Variants in LSAMP observed in about 807,000 individuals in gnomAD.
LSAMP encodes the protein limbic system associated membrane protein, also known as limbic system-associated membrane protein.
Under a neutral mutation model 38.6 loss-of-function variants are expected in LSAMP, and 7 were observed. The ratio of observed to expected loss-of-function variants is 0.18; its 90% CI spans 0.10 to 0.34. LSAMP has a LOEUF of 0.34. Ranked by LOEUF, LSAMP falls within the 10% of genes least tolerant of loss-of-function variation. LSAMP has a pLI of 1.00. For missense variants in LSAMP, 313 were observed against 420.0 expected (o/e 0.75, Z 2.23); for synonymous variants, 154 against 166.8 (o/e 0.92, Z 0.59).
At chr3:115,991,285 A>G (rs1939659430) in intron 3 of LSAMP, among the ~76,000 whole-genome samples, 1 of 152,114 alleles carries the variant, frequency 6.6e-6, no homozygotes, top group Non-Finnish European at 1.5e-5. Context: ...GTGAACTGAA[A>G]TATCACCTAC....
At chr3:116,076,004 A>G (rs147559611) in intron 2 of LSAMP, among the ~76,000 whole-genome samples, 1 of 152,286 alleles carries the variant, frequency 6.6e-6, no homozygotes, top group East Asian at 1.9e-4. Flanking sequence ...TTAAATCTTT[A>G]AGAGATCTGG....
chr3:115,883,490 C>A (rs1398314333), intron 3 of LSAMP, among the ~76,000 whole-genome samples: 1 of 151,892 alleles, frequency 6.6e-6, no homozygotes, highest in Admixed American at 6.6e-5. Flanking sequence ...TTGATGGAAC[C>A]AGGGTTGGAA....
intron 1 of LSAMP, among the ~76,000 whole-genome samples, chr3:116,423,436 G>C (rs564538369): frequency 6.6e-6 from 1 of 152,298 alleles, no homozygotes; most frequent in African/African-American, 2.4e-5. Flanking sequence ...AAGGGTGGCA[G>C]AGAGGAGAAC....
chr3:116,022,854 A>G (rs1276376631), intron 2 of LSAMP, among the ~76,000 whole-genome samples: 1 of 152,152 alleles, frequency 6.6e-6, no homozygotes, highest in Non-Finnish European at 1.5e-5. Context: ...TGTTTGCCTC[A>G]CAGACACCCA....
At chr3:115,810,692 T>C (rs1933796903) in intron 6 of LSAMP, among the ~76,000 whole-genome samples, 1 of 152,216 alleles carries the variant, frequency 6.6e-6, no homozygotes, top group Admixed American at 6.5e-5. Context: ...CTAATGTGTC[T>C]GATGGTACAG....
At chr3:116,203,655 T>C (rs1332745036) in intron 1 of LSAMP, among the ~76,000 whole-genome samples, 2 of 149,882 alleles carry the variant, frequency 1.3e-5, no homozygotes, top group African/African-American at 4.9e-5. Flanking sequence ...CGGTGTTTGG[T>C]TTTTTTGTTC....
At chr3:116,352,845 C>T (rs1035449972) in intron 1 of LSAMP, among the ~76,000 whole-genome samples, 8 of 151,904 alleles carry the variant, frequency 5.3e-5, no homozygotes, top group African/African-American at 1.9e-4. Context: ...GGGTTATTTG[C>T]CTCAATGTGA....
At chr3:116,304,814 T>C (rs1035139466) in intron 1 of LSAMP, among the ~76,000 whole-genome samples, 1 of 151,874 alleles carries the variant, frequency 6.6e-6, no homozygotes, top group Non-Finnish European at 1.5e-5. Flanking sequence ...GATGCTGAAG[T>C]AGATTGAACA....
At chr3:116,112,773 C>CT (rs990706482) in intron 1 of LSAMP, among the ~76,000 whole-genome samples, 24 of 152,172 alleles carry the variant, frequency 1.6e-4, no homozygotes, top group African/African-American at 5.6e-4. Context: ...ACTACACTGT[C>CT]TCCCCAGGGA....
intron 1 of LSAMP, among the ~76,000 whole-genome samples, chr3:116,189,917 G>T (rs1383014944): frequency 6.6e-6 from 1 of 152,084 alleles, no homozygotes; most frequent in Non-Finnish European, 1.5e-5. Flanking sequence ...AAGCACGAGA[G>T]ATTCAAAAAC....
intron 6 of LSAMP, among the ~76,000 whole-genome samples, chr3:115,829,324 C>G (rs1934533338): frequency 6.6e-6 from 1 of 152,144 alleles, no homozygotes; most frequent in South Asian, 2.1e-4. Flanking sequence ...CCGCTTGAGT[C>G]TCTAACCACT....
intron 1 of LSAMP, among the ~76,000 whole-genome samples, chr3:116,358,740 C>A (rs2048260911): frequency 6.6e-6 from 1 of 151,832 alleles, no homozygotes; most frequent in Non-Finnish European, 1.5e-5. Flanking sequence ...CCATAAAGTA[C>A]AAAAATGTGA....
chr3:115,825,405 C>T (rs1329097605), intron 6 of LSAMP, among the ~76,000 whole-genome samples: 1 of 152,156 alleles, frequency 6.6e-6, no homozygotes, highest in East Asian at 1.9e-4. Context: ...ACATTATAGC[C>T]AGGTCCTTGT....
Position 116,216,823 on chromosome 3 carries a change from G to C in LSAMP, c.156-130267C>G, listed in dbSNP as rs939843437. ...TTCACAGCTAGTTTCTGCTTTACTT[G>C]ATGGGGAAAGGAGAGAAATAAACTA... On this transcript the variant is annotated intron_variant, in intron 1 of 6. Transcript: ENST00000490035. Among the ~76,000 whole-genome samples, 3 of 152,170 alleles carry C rather than the reference G, an allele frequency of 2.0e-5. No individual in the cohort carries two copies. The South Asian group carries it at 6.2e-4, about 32-fold the overall frequency.
intron 1 of LSAMP, among the ~76,000 whole-genome samples, chr3:116,200,090 CTTT>C (rs1322983565): frequency 1.3e-5 from 1 of 76,818 alleles, no homozygotes; most frequent in African/African-American, 4.6e-5. Flanking sequence ...TTCAGTCTTA[CTTT>C]ACACACACAC....
chr3:116,332,509 A>C (rs922381568), intron 1 of LSAMP, among the ~76,000 whole-genome samples: 1 of 152,170 alleles, frequency 6.6e-6, no homozygotes, highest in Non-Finnish European at 1.5e-5. Flanking sequence ...GAAAATGAGA[A>C]AGGAATTTAA....
intron 6 of LSAMP, 198 bp downstream of exon 6, chr3:115,841,647 A>C: frequency 2.1e-6 from 1 of 482,440 alleles, no homozygotes; most frequent in Non-Finnish European, 3.5e-6. Flanking sequence ...AGAAGTAAGA[A>C]AGACTATAGA....
intron 2 of LSAMP, among the ~76,000 whole-genome samples, chr3:116,055,491 T>C (rs1941474787): frequency 6.6e-6 from 1 of 152,180 alleles, no homozygotes; most frequent in South Asian, 2.1e-4. Context: ...AAGTTTTCTC[T>C]AGAAGTAAGA....
At chr3:116,387,202 A>T (rs928078301) in intron 1 of LSAMP, among the ~76,000 whole-genome samples, 2 of 152,200 alleles carry the variant, frequency 1.3e-5, no homozygotes, top group African/African-American at 4.8e-5. Context: ...TCTGGCACTC[A>T]GGATAAATGG....
Sources: allele counts gnomAD v4.1 joint callset (sites outside exome capture counted in the v4.1 genomes callset), GRCh38; gene constraint gnomAD v4.1.1; transcripts MANE v1.5; gene names NCBI Gene and HGNC (gene_info 2026-07-23, HGNC 2026-07-21).